RAG1: variants seen among roughly 807,000 people sequenced by gnomAD.
RAG1 encodes the protein V(D)J recombination-activating protein 1.
A neutral mutation model predicts 62.7 loss-of-function variants in RAG1; 35 were observed. That is an observed-to-expected ratio of 0.56 (90% CI 0.43 to 0.74). The LOEUF (loss-of-function observed/expected upper bound fraction) is 0.74, where lower values mean the gene tolerates loss of function less well. Among genes scored for constraint, RAG1 ranks in the 30% least tolerant of loss-of-function variants. RAG1 has a pLI of 0.00. For missense variants in RAG1, 1,169 were observed against 1,278.6 expected, an observed-to-expected ratio of 0.91 and a Z score of 1.31; for synonymous variants, 461 against 470.3, an observed-to-expected ratio of 0.98 and a Z score of 0.26.
chr11:36,563,828 T>C (rs184525443), upstream of RAG1, among the ~76,000 whole-genome samples: 92 of 152,342 alleles, frequency 6.0e-4, 1 homozygote, highest in African/African-American at 2.0e-3. Context: ...GGCAGTTGCC[T>C]AGTTTGGCTT....
intron 2 of RAG1, among the ~76,000 whole-genome samples, chr11:36,524,322 C>G (rs1459256802): frequency 7.0e-6 from 1 of 143,348 alleles, no homozygotes; most frequent in Non-Finnish European, 1.5e-5. Context: ...CACATGTACC[C>G]TAGAACTTAA....
chr11:36,523,037 G>A (rs969000863), intron 2 of RAG1, among the ~76,000 whole-genome samples: 2 of 152,208 alleles, frequency 1.3e-5, no homozygotes, highest in Non-Finnish European at 2.9e-5. Flanking sequence ...TGTCTCAGAT[G>A]AGACTTTGGA....
intron 2 of RAG1, among the ~76,000 whole-genome samples, chr11:36,528,341 A>G (rs577985176): frequency 1.8e-4 from 27 of 152,228 alleles, no homozygotes; most frequent in Admixed American, 2.6e-4. Flanking sequence ...TAAGAAACTC[A>G]CTCAAAACCA....
chr11:36,542,305 G>C (rs1850318131), intron 3 of RAG1, among the ~76,000 whole-genome samples: 2 of 152,188 alleles, frequency 1.3e-5, no homozygotes, highest in South Asian at 4.1e-4. Context: ...AACGCTGCAG[G>C]TGATATCTGG....
At chr11:36,520,960 C>CT (rs36066366) in intron 2 of RAG1, among the ~76,000 whole-genome samples, 69,198 of 133,566 alleles carry the variant, frequency 0.52, 18,925 homozygotes, top group East Asian at 0.71. Context: ...CAAATCTCAT[C>CT]TTTTTTTTTT....
At position 36,576,431 on chromosome 11, in the gene RAG1, T is replaced by A. The variant is rs1044552081; in HGVS notation, c.3127T>A (p.Phe1043Ile). Residue 1043 changes from phenylalanine to isoleucine, a missense_variant, in exon 2 of 2, where the codon TTT (phenylalanine) becomes ATT (isoleucine). Physicochemically the swap from Phe to Ile is conservative, Grantham distance 21. Coordinates refer to ENST00000299440, the MANE Select transcript of RAG1 (RefSeq NM_000448.3). Reference protein sequence around the residue: ...DSLESQDSMEF With the variant: ...DSLESQDSMEI ...TCTGGAAAGCCAAGATTCAATGGAA[T>A]TTTAAGTAGGGCAACCACTTATGAG... 6.2e-7 allele frequency: 1 copy of A among 1,614,110 alleles called. No homozygotes were observed.
In RAG1 at chr11:36,544,094, CT is replaced by C. The variant is rs1267299063; in HGVS notation, c.-412+8066del. Among the ~76,000 whole-genome samples the C allele has an allele frequency of 7.9e-5, 12 of 152,274 alleles. No homozygotes were observed. The East Asian group carries it at 2.1e-3, about 27-fold the overall frequency. ...TGAACCAGTAAACTTCCTTTAGCCACTTTTTTAGGGTAGGTACAATTGGCTG... is the reference window on the plus strand; with the variant it reads ...TGAACCAGTAAACTTCCTTTAGCCACTTTTTAGGGTAGGTACAATTGGCTG... On this transcript the variant is annotated intron_variant and NMD_transcript_variant, in intron 3 of 9. Transcript: ENST00000534663.
Position 36,542,608 on chromosome 11 carries a change from A to T in RAG1, c.-412+6574A>T, listed in dbSNP as rs564841564. On this transcript the variant is annotated intron_variant and NMD_transcript_variant, in intron 3 of 9. Coordinates refer to the RAG1 transcript ENST00000534663. ...GTACAGAAAAGGTCTCTGACCAGCC[A>T]CTCCTTTGCTTGTTCCCAGAAGACA... 5.3e-5 allele frequency among the ~76,000 whole-genome samples: 8 copies of T among 152,148 alleles called. 1 individual carries two copies. The East Asian group carries it at 1.6e-3, about 29-fold the overall frequency.
In RAG1 at chr11:36,575,175, G is replaced by A. The variant is rs199474680; in HGVS notation, c.1871G>A (p.Arg624His). 1.1e-5 allele frequency: 17 copies of A among 1,614,018 alleles called. No individual in the cohort carries two copies. Among genetic ancestry groups the A allele is most frequent in the Admixed American group, 6.7e-5 (4 of 60,004 alleles). ...SGPVVPEKAV[R>H]FSFTIMKITI... ...CCTGTAGTTCCAGAAAAGGCAGTCC[G>A]TTTTTCATTCACAATCATGAAAATT... is the stretch of plus-strand genomic sequence containing the variant. Residue 624 changes from arginine to histidine, a missense_variant, in exon 2 of 2, where the codon CGT becomes CAT. Coordinates refer to ENST00000299440, the MANE Select transcript of RAG1 (RefSeq NM_000448.3). The surrounding 1 kb of genome is among the most constrained non-coding windows in gnomAD (Gnocchi z 4.1).
intron 1 of RAG1, among the ~76,000 whole-genome samples, chr11:36,516,488 AT>A (rs1167598534): frequency 6.2e-4 from 94 of 152,238 alleles, no homozygotes; most frequent in African/African-American, 2.1e-3. Context: ...CGCCTGGAGA[AT>A]TTTTTTGTAT....
chr11:36,551,668 A>C (rs1390592403), intron 3 of RAG1, among the ~76,000 whole-genome samples: 2 of 141,850 alleles, frequency 1.4e-5, no homozygotes, highest in African/African-American at 5.3e-5. Context: ...CAGGTTAGTT[A>C]CATATGTATA....
At chr11:36,540,155 G>C (rs1482932675), downstream of RAG1, among the ~76,000 whole-genome samples, 4 of 152,136 alleles carry the variant, frequency 2.6e-5, no homozygotes, top group African/African-American at 9.7e-5. Flanking sequence ...GAGAAGCCGG[G>C]GGGAGAAGCA....
At chr11:36,544,754 C>T (rs1359293615) in intron 3 of RAG1, among the ~76,000 whole-genome samples, 1 of 152,126 alleles carries the variant, frequency 6.6e-6, no homozygotes, top group Admixed American at 6.5e-5. Flanking sequence ...AGGGAGGGAC[C>T]CTGTGGGAGG....
At chr11:36,523,120 C>G (rs331443) in intron 2 of RAG1, among the ~76,000 whole-genome samples, 149,476 of 152,280 alleles carry the variant, frequency 0.98, 73,411 homozygotes, top group East Asian at 1. Context: ...GATTCATTTT[C>G]AAATGTGAAG....
chr11:36,539,759 T>TA (rs1860387367), downstream of RAG1, among the ~76,000 whole-genome samples: 1 of 152,242 alleles, frequency 6.6e-6, no homozygotes, highest in South Asian at 2.1e-4. Flanking sequence ...GTTACAGGAA[T>TA]AAGCCATTGC....
At chr11:36,520,918 A>G (rs1860069246) in intron 2 of RAG1, among the ~76,000 whole-genome samples, 1 of 149,680 alleles carries the variant, frequency 6.7e-6, no homozygotes, top group Admixed American at 6.6e-5. Context: ...ATTTCATTAC[A>G]CTAATTATAT....
intron 3 of RAG1, among the ~76,000 whole-genome samples, chr11:36,544,047 A>G (rs1850354513): frequency 6.6e-6 from 1 of 152,232 alleles, no homozygotes; most frequent in African/African-American, 2.4e-5. Flanking sequence ...TTATATACAT[A>G]TGGAACATTT....
chr11:36,530,222 T>C (rs1409078847), intron 2 of RAG1, among the ~76,000 whole-genome samples: 1 of 152,066 alleles, frequency 6.6e-6, no homozygotes, highest in African/African-American at 2.4e-5. Context: ...CCTTTGTTCA[T>C]CTTGCAAGAA....
rs781632019 is a variant in RAG1 at position 36,576,325 on chromosome 11, T to G, written c.3021T>G (p.Asn1007Lys). Residue 1007 changes from asparagine to lysine, a missense_variant, in exon 2 of 2, where the codon AAT becomes AAG. Around this residue, in one of 2 missense-constraint regions of RAG1, gnomAD observed 800 missense variants for 943.3 expected, o/e 0.85. Coordinates refer to ENST00000299440, the MANE Select transcript of RAG1 (RefSeq NM_000448.3). Reference protein sequence around the residue: ...YTSKYLQKFMNAHNALKTSGF... With the variant: ...YTSKYLQKFMKAHNALKTSGF... ...CCAAATACCTCCAGAAGTTTATGAA[T>G]GCTCATAATGCATTAAAAACCTCTG... The G allele has an allele frequency of 5.6e-6, 9 of 1,614,090 alleles. 1 individual carries two copies. The South Asian group carries it at 9.9e-5, about 18-fold the overall frequency.
Sources: allele counts gnomAD v4.1 joint callset (sites outside exome capture counted in the v4.1 genomes callset), GRCh38; gene constraint gnomAD v4.1.1; regional missense constraint gnomAD v4.1.1; non-coding constraint Gnocchi (gnomAD v3.1); transcripts MANE v1.5; gene names NCBI Gene and HGNC (gene_info 2026-07-23, HGNC 2026-07-21).